Variants in CCDC102B observed in about 807,000 individuals in gnomAD.
CCDC102B encodes the protein coiled-coil domain-containing protein 102B.
A neutral mutation model predicts 57.4 loss-of-function variants in CCDC102B; 75 were observed. The ratio of observed to expected loss-of-function variants is 1.31; its 90% CI spans 1.08 to 1.58. The LOEUF is 1.58. Among genes scored for constraint, CCDC102B ranks in the 40% most tolerant of loss-of-function variants. The pLI is 0.00. For synonymous variants in CCDC102B, 206 were observed against 201.9 expected, an observed-to-expected ratio of 1.02 and a Z score of -0.17; for missense variants, 636 against 582.6, an observed-to-expected ratio of 1.09 and a Z score of -0.94.
intron 6 of CCDC102B, among the ~76,000 whole-genome samples, chr18:68,935,283 A>G (rs1384503451): frequency 6.6e-6 from 1 of 151,972 alleles, no homozygotes; most frequent in Admixed American, 6.6e-5. Context: ...TTTTGAATCT[A>G]TTTTGAAGGT....
intron 2 of CCDC102B, among the ~76,000 whole-genome samples, chr18:68,731,169 A>G (rs71368371): frequency 0.27 from 40,589 of 151,830 alleles, 6,777 homozygotes; most frequent in East Asian, 0.4. Context: ...TATTTTTAGT[A>G]GAGACAGGGT....
At chr18:68,765,454 GAAGA>G (rs2034438209) in intron 2 of CCDC102B, among the ~76,000 whole-genome samples, 2 of 147,528 alleles carry the variant, frequency 1.4e-5, no homozygotes, top group South Asian at 4.4e-4. Context: ...GGAGAAAGAG[GAAGA>G]AAGAGAGAGA....
chr18:68,872,543 AG>A (rs2039279745), intron 4 of CCDC102B, among the ~76,000 whole-genome samples: 1 of 152,104 alleles, frequency 6.6e-6, no homozygotes, highest in African/African-American at 2.4e-5. Context: ...TGATTACAGT[AG>A]TTGTTTTTTA....
chr18:68,754,466 A>G (rs937076504), intron 2 of CCDC102B: 2 of 152,146 alleles, frequency 1.3e-5, no homozygotes, highest in East Asian at 3.9e-4. Context: ...AGACAGTACA[A>G]AATTTGAGGG....
At chr18:69,057,418 T>C (rs1184678247), downstream of CCDC102B, among the ~76,000 whole-genome samples, 1 of 152,032 alleles carries the variant, frequency 6.6e-6, no homozygotes, top group Non-Finnish European at 1.5e-5. Flanking sequence ...CCAAGATGAC[T>C]TCAATCTCTT....
chr18:68,806,882 C>T (rs1027532133), intron 1 of CCDC102B, among the ~76,000 whole-genome samples: 4 of 152,152 alleles, frequency 2.6e-5, no homozygotes, highest in Non-Finnish European at 4.4e-5. Context: ...CCGAACATCA[C>T]AATTCAGGCG....
At chr18:68,866,875 A>C (rs1006950653) in intron 4 of CCDC102B, 2 of 660,794 alleles carry the variant, frequency 3.0e-6, no homozygotes, top group Non-Finnish European at 5.8e-6. Context: ...CTACATTGGC[A>C]CTCCTCTTCC....
chr18:68,768,647 T>A (rs1210799426), intron 2 of CCDC102B, among the ~76,000 whole-genome samples: 1 of 152,112 alleles, frequency 6.6e-6, no homozygotes, highest in Non-Finnish European at 1.5e-5. Context: ...TTTTGTTTAA[T>A]GTAAATTAAA....
At chr18:68,818,193 G>A (rs184825937) in intron 1 of CCDC102B, among the ~76,000 whole-genome samples, 116 of 148,410 alleles carry the variant, frequency 7.8e-4, no homozygotes, top group African/African-American at 2.8e-3. Flanking sequence ...TGAGAACTGT[G>A]AATTTCAGGC....
chr18:68,911,581 T>C (rs1261637559), intron 6 of CCDC102B, among the ~76,000 whole-genome samples: 8 of 148,740 alleles, frequency 5.4e-5, no homozygotes, highest in Non-Finnish European at 1.0e-4. Context: ...TGAAACCCCG[T>C]CTCTACTAAA....
At chr18:68,967,566 C>G (rs932142191) in intron 6 of CCDC102B, among the ~76,000 whole-genome samples, 3 of 152,026 alleles carry the variant, frequency 2.0e-5, no homozygotes, top group African/African-American at 7.2e-5. Context: ...ATGTTAGACA[C>G]TTACTGTGTA....
chr18:68,733,324 T>C (rs1022616474), intron 2 of CCDC102B, among the ~76,000 whole-genome samples: 2 of 152,044 alleles, frequency 1.3e-5, no homozygotes, highest in African/African-American at 4.8e-5. Context: ...CATCGCATCT[T>C]GGTTCCTTAA....
rs143689535 is a variant in CCDC102B at position 68,756,396 on chromosome 18, TAAGG to T, written c.-67+39806_-67+39809del. On this transcript the variant is annotated intron_variant, in intron 2 of 3. Transcript: ENST00000578970. ...GAAGTAAGAAAGGCAATATAACAGA[TAAGG>T]AAGAGATTCAATAACTCTGTAAGAG... Among the ~76,000 whole-genome samples the T allele has an allele frequency of 1.7e-4, 26 of 152,214 alleles. 1 individual carries two copies. In the East Asian group the frequency reaches 4.8e-3, roughly 28 times the overall value.
Position 68,982,642 on chromosome 18 carries a change from C to G in CCDC102B, c.1264-28292C>G, listed in dbSNP as rs577061524. Among the ~76,000 whole-genome samples, 661 of 151,826 alleles carry G rather than the reference C, an allele frequency of 4.4e-3. 7 individuals carry two copies. Among genetic ancestry groups the G allele is most frequent in the African/African-American group, 0.015 (635 of 41,476 alleles). On this transcript the variant is annotated intron_variant, in intron 6 of 7. Coordinates refer to ENST00000360242, the MANE Select transcript of CCDC102B (RefSeq NM_024781.3). The stretch of plus-strand genomic sequence containing the variant: ...TAGTACATTGTTTTTTTTAATAAAA[C>G]TAGGTGCTTGTATTTTAATTTTCTA...
chr18:68,949,653 A>G (rs971849514), intron 6 of CCDC102B, among the ~76,000 whole-genome samples: 5 of 152,214 alleles, frequency 3.3e-5, no homozygotes, highest in Middle Eastern at 3.4e-3. Context: ...CGATTTTCCT[A>G]TATGAAATCA....
intron 6 of CCDC102B, among the ~76,000 whole-genome samples, chr18:68,921,439 A>T (rs1294858583): frequency 6.6e-6 from 1 of 152,194 alleles, no homozygotes; most frequent in African/African-American, 2.4e-5. Context: ...TGGAACTGTC[A>T]GTGTGTTACT....
chr18:68,896,111 G>T (rs1484851541), intron 5 of CCDC102B, among the ~76,000 whole-genome samples: 2 of 151,946 alleles, frequency 1.3e-5, no homozygotes, highest in African/African-American at 4.8e-5. Context: ...AATAAATGGT[G>T]AAGTCACATT....
intron 6 of CCDC102B, among the ~76,000 whole-genome samples, chr18:68,914,728 T>C (rs1030710625): frequency 1.3e-5 from 2 of 152,210 alleles, no homozygotes; most frequent in African/African-American, 2.4e-5. Context: ...CTTTCTTAAA[T>C]GTGTGTATAG....
At chr18:68,774,826 ATAG>A (rs1459782663) in intron 2 of CCDC102B, among the ~76,000 whole-genome samples, 2 of 151,798 alleles carry the variant, frequency 1.3e-5, no homozygotes, top group East Asian at 3.8e-4. Context: ...AATAATCCTA[ATAG>A]TTGTCATTTT....
Sources: allele counts gnomAD v4.1 joint callset (sites outside exome capture counted in the v4.1 genomes callset), GRCh38; gene constraint gnomAD v4.1.1; transcripts MANE v1.5; gene names NCBI Gene and HGNC (gene_info 2026-07-23, HGNC 2026-07-21).